Variants in LDB2 observed in about 807,000 individuals in gnomAD.
LDB2 encodes LIM domain-binding protein 2.
Under a neutral mutation model 44.3 loss-of-function variants are expected in LDB2, and 12 were observed. The observed-to-expected ratio is 0.27, with a 90% CI of 0.17 to 0.44. The LOEUF is 0.44. Among genes scored for constraint, LDB2 ranks in the 20% least tolerant of loss-of-function variants. LDB2 has a pLI of 1.00. For missense variants in LDB2, 344 were observed against 473.5 expected (o/e 0.73, Z 2.54); for synonymous variants, 164 against 174.8 (o/e 0.94, Z 0.49).
intron 5 of LDB2, among the ~76,000 whole-genome samples, chr4:16,558,233 A>G (rs1740539039): frequency 6.6e-6 from 1 of 152,228 alleles, no homozygotes; most frequent in Admixed American, 6.5e-5. Flanking sequence ...GAGCTGAGAG[A>G]AGAAGGCTTC....
In LDB2 at chr4:16,842,925, T is replaced by C. The variant is rs549025724; in HGVS notation, c.132+55429A>G. Among the ~76,000 whole-genome samples, 3 of 152,292 alleles carry C rather than the reference T, an allele frequency of 2.0e-5. No homozygotes were observed. In the South Asian group the frequency reaches 6.2e-4, roughly 32 times the overall value. On this transcript the variant is annotated intron_variant, in intron 1 of 7. Transcript: ENST00000304523. Reference sequence around the variant, plus strand: ...AAATGTATATTAAGCTCATAAAGCCTAACACAAAGTAAGTTTATGAAAGAG... The same window carrying C: ...AAATGTATATTAAGCTCATAAAGCCCAACACAAAGTAAGTTTATGAAAGAG...
intron 1 of LDB2, among the ~76,000 whole-genome samples, chr4:16,777,980 C>T (rs1466430329): frequency 2.6e-5 from 4 of 152,092 alleles, no homozygotes; most frequent in Non-Finnish European, 5.9e-5. Flanking sequence ...TGCCTTCCTC[C>T]CCCATCCCTC....
intron 2 of LDB2, chr4:16,741,350 G>C (rs1763194019): frequency 6.6e-6 from 1 of 152,236 alleles, no homozygotes; most frequent in Non-Finnish European, 1.5e-5. Flanking sequence ...GGGGTGAAAA[G>C]GCTGCGATTA....
intron 2 of LDB2, among the ~76,000 whole-genome samples, chr4:16,721,855 C>T (rs1022823191): frequency 9.2e-5 from 14 of 152,098 alleles, no homozygotes; most frequent in Non-Finnish European, 1.9e-4. Flanking sequence ...CAAATGCTTC[C>T]AAGAATTTAA....
At chr4:16,731,044 G>A (rs577309365) in intron 2 of LDB2, among the ~76,000 whole-genome samples, 1 of 152,288 alleles carries the variant, frequency 6.6e-6, no homozygotes, top group East Asian at 1.9e-4. Context: ...GACAGAAAAA[G>A]CAGGAAGAAA....
At chr4:16,687,621 T>A (rs1749573011) in intron 2 of LDB2, among the ~76,000 whole-genome samples, 1 of 152,110 alleles carries the variant, frequency 6.6e-6, no homozygotes. Context: ...CCAAACACTA[T>A]CAGACCCAAC....
chr4:16,620,603 A>G (rs909432326), intron 2 of LDB2, among the ~76,000 whole-genome samples: 3 of 152,148 alleles, frequency 2.0e-5, no homozygotes, highest in African/African-American at 4.8e-5. Context: ...CATCTGGGGA[A>G]TGTGGGGAGG....
At chr4:16,565,437 C>A (rs1744146876) in intron 5 of LDB2, among the ~76,000 whole-genome samples, 1 of 150,976 alleles carries the variant, frequency 6.6e-6, no homozygotes, top group Non-Finnish European at 1.5e-5. Flanking sequence ...ATTCGACATC[C>A]ATTTTTTTTT....
intron 1 of LDB2, among the ~76,000 whole-genome samples, chr4:16,843,144 T>C (rs1022172301): frequency 6.6e-6 from 1 of 152,220 alleles, no homozygotes; most frequent in African/African-American, 2.4e-5. Context: ...ATAAACACTT[T>C]TCTTACAAAC....
At chr4:16,810,174 G>A (rs1172812605) in intron 1 of LDB2, among the ~76,000 whole-genome samples, 1 of 152,180 alleles carries the variant, frequency 6.6e-6, no homozygotes, top group Non-Finnish European at 1.5e-5. Context: ...TACTATAAAG[G>A]GAGAGGGGAG....
At chr4:16,589,210 A>G (rs930984149) in intron 3 of LDB2, among the ~76,000 whole-genome samples, 1 of 152,176 alleles carries the variant, frequency 6.6e-6, no homozygotes, top group African/African-American at 2.4e-5. Context: ...TCTTATTCTA[A>G]TCTTGGTTAT....
intron 2 of LDB2, among the ~76,000 whole-genome samples, chr4:16,664,560 C>T (rs999792242): frequency 6.6e-6 from 1 of 152,074 alleles, no homozygotes; most frequent in Non-Finnish European, 1.5e-5. Context: ...TCTTGATTCT[C>T]CATTTAATTA....
At chr4:16,502,927 G>C in intron 7 of LDB2, 54 bp from the exon 8 acceptor site, 5 of 1,606,802 alleles carry the variant, frequency 3.1e-6, no homozygotes, top group Non-Finnish European at 4.3e-6. Flanking sequence ...GAGAAGCTCA[G>C]CTTAAAATAA....
intron 2 of LDB2, among the ~76,000 whole-genome samples, chr4:16,666,997 G>A (rs1354140408): frequency 2.6e-5 from 4 of 152,164 alleles, no homozygotes. Context: ...TTAACCTCCT[G>A]AACACTGTGT....
intron 5 of LDB2, among the ~76,000 whole-genome samples, chr4:16,555,816 A>G (rs866306138): frequency 6.6e-6 from 1 of 152,280 alleles, no homozygotes; most frequent in South Asian, 2.1e-4. Flanking sequence ...GTTCTGAAGC[A>G]TGGAATACAT....
intron 1 of LDB2, among the ~76,000 whole-genome samples, chr4:16,801,014 C>T (rs767820163): frequency 2.0e-4 from 30 of 152,180 alleles, no homozygotes; most frequent in Non-Finnish European, 4.0e-4. Flanking sequence ...CTTCTCACTC[C>T]CCATGGGACA....
At chr4:16,553,624 T>C (rs946842927) in intron 5 of LDB2, among the ~76,000 whole-genome samples, 4 of 152,208 alleles carry the variant, frequency 2.6e-5, no homozygotes, top group Non-Finnish European at 5.9e-5. Context: ...TTGGTACTCT[T>C]GAACCTGACC....
At chr4:16,678,779 A>G (rs897417644) in intron 2 of LDB2, among the ~76,000 whole-genome samples, 1 of 152,196 alleles carries the variant, frequency 6.6e-6, no homozygotes, top group Non-Finnish European at 1.5e-5. Flanking sequence ...CCAGCTCATG[A>G]CAGGGTGAGA....
At chr4:16,633,474 A>G (rs148254307) in intron 2 of LDB2, among the ~76,000 whole-genome samples, 2,184 of 152,280 alleles carry the variant, frequency 0.014, 29 homozygotes, top group South Asian at 0.045. Flanking sequence ...CCAATAACAG[A>G]CAAACAGAGC....
Sources: allele counts gnomAD v4.1 joint callset (sites outside exome capture counted in the v4.1 genomes callset), GRCh38; gene constraint gnomAD v4.1.1; transcripts MANE v1.5; gene names NCBI Gene and HGNC (gene_info 2026-07-23, HGNC 2026-07-21).